KCNAB2: variants seen among roughly 807,000 people sequenced by gnomAD.
KCNAB2 encodes the protein voltage-gated potassium channel subunit beta-2.
Under a neutral mutation model 63.6 loss-of-function variants are expected in KCNAB2, and 29 were observed. That is an observed-to-expected ratio of 0.46 (90% CI 0.34 to 0.62). The LOEUF (loss-of-function observed/expected upper bound fraction) is 0.62. Ranked by LOEUF, KCNAB2 falls within the 20% of genes least tolerant of loss-of-function variation. KCNAB2 has a pLI of 0.01. For missense variants in KCNAB2, 359 were observed against 563.9 expected (o/e 0.64, Z 3.68); for synonymous variants, 222 against 224.2 (o/e 0.99, Z 0.09).
At chr1:6,037,311 G>T (rs956680491) in intron 1 of KCNAB2, among the ~76,000 whole-genome samples, 3 of 152,242 alleles carry the variant, frequency 2.0e-5, no homozygotes, top group Admixed American at 6.5e-5. Flanking sequence ...TGGGCTACAT[G>T]CCCTGTTAAA....
In KCNAB2 at chr1:6,100,107, A is replaced by G; in HGVS notation, c.*1533A>G. The G allele has an allele frequency of 6.9e-7, 1 of 1,442,644 alleles. No individual in the cohort carries two copies. The highest frequency in any genetic ancestry group is 9.1e-7 in the Non-Finnish European group (1 of 1,095,290). The allele number at this position is 1,442,644 out of a possible 1,614,324, so 89.4% of individuals were successfully genotyped here. On this transcript the variant is annotated 3_prime_UTR_variant, in exon 16 of 16. Transcript: ENST00000378083. ...CCGCTTTGCCCCTGGAGGAGCCACT[A>G]TTCCAGAAGGCTCCACCCTGCCGTC...
chr1:6,072,741 C>T lies in KCNAB2; in HGVS notation c.219-14C>T, dbSNP rs764302922. On this transcript the variant is annotated splice_polypyrimidine_tract_variant and intron_variant, in intron 2 of 15. Transcript: ENST00000378083. Reference sequence around the variant, plus strand: ...GCCTGGGTGCTGAGAACTCACGTGGCGTTTGTTTTTCAGGAACCTGGGCAA... The same window carrying T: ...GCCTGGGTGCTGAGAACTCACGTGGTGTTTGTTTTTCAGGAACCTGGGCAA... The T allele has an allele frequency of 7.4e-6, 12 of 1,613,542 alleles. No homozygotes were observed. The South Asian group carries it at 8.8e-5, about 12-fold the overall frequency.
At chr1:6,077,904 T>C (rs961032737) in intron 4 of KCNAB2, among the ~76,000 whole-genome samples, 1 of 152,236 alleles carries the variant, frequency 6.6e-6, no homozygotes, top group Non-Finnish European at 1.5e-5. Flanking sequence ...GCGAGCTGCC[T>C]GTGGCTGCTG....
chr1:6,034,390 AG>A (rs58801392), exon 1 of KCNAB2: 37,419 of 152,578 alleles, frequency 0.25, 4,868 homozygotes, highest in Non-Finnish European at 0.29. Context: ...AATGAAACAG[AG>A]GCTGTGTTGA....
chr1:6,098,354 T>C lies in KCNAB2; in HGVS notation c.1159-131T>C, dbSNP rs537063530. ...CAGCGTGGCCTCCATCTGCCTCAGA[T>C]GGAGCCCAGATGTGATGGGGCAACC... On this transcript the variant is annotated intron_variant, in intron 15 of 15. Coordinates refer to ENST00000378083, the MANE Select transcript of KCNAB2 (RefSeq NM_001199862.2). The C allele has an allele frequency of 7.3e-5, 108 of 1,472,680 alleles. 1 individual carries two copies. In the South Asian group the frequency reaches 1.4e-3, roughly 20 times the overall value. 91.2% of individuals were successfully genotyped at this position (1,472,680 alleles called of 1,614,324 possible). A position where few individuals can be genotyped will look rare whatever the true frequency, so the allele number is the denominator to read the frequency against.
At position 6,070,867 on chromosome 1, in the gene KCNAB2, C is replaced by T. The variant is rs149329622; in HGVS notation, c.219-1888C>T. 3.4e-3 allele frequency among the ~76,000 whole-genome samples: 523 copies of T among 152,314 alleles called. 7 individuals carry two copies. The highest frequency in any genetic ancestry group is 0.012 in the African/African-American group (490 of 41,558). On this transcript the variant is annotated intron_variant, in intron 2 of 15. Transcript: ENST00000378083. ...AGAGCCTCAGCCCATAGCCGCCACC[C>T]GGTGCGCCCCTTTCCTGAAAGAAAA...
chr1:6,091,975 G>A (rs1406604074), intron 10 of KCNAB2, among the ~76,000 whole-genome samples: 2 of 152,158 alleles, frequency 1.3e-5, no homozygotes, highest in Non-Finnish European at 2.9e-5. Context: ...CAGTCTCTCT[G>A]CCCTCCCCAC....
At chr1:6,029,798 C>T (rs1427519410), upstream of KCNAB2, among the ~76,000 whole-genome samples, 1 of 152,240 alleles carries the variant, frequency 6.6e-6, no homozygotes, top group Non-Finnish European at 1.5e-5. Flanking sequence ...GCCTAACCTC[C>T]TTCCCAGGAA....
intron 15 of KCNAB2, chr1:6,098,239 G>A (rs975610094): frequency 4.7e-6 from 6 of 1,268,698 alleles, no homozygotes; most frequent in African/African-American, 1.5e-5. Context: ...CCACCCTTCA[G>A]GAAGGTTCTA....
At chr1:6,092,983 G>T (rs1665312831) in intron 10 of KCNAB2, among the ~76,000 whole-genome samples, 1 of 152,222 alleles carries the variant, frequency 6.6e-6, no homozygotes, top group Admixed American at 6.5e-5. Context: ...TCTGCTCAGG[G>T]TGGACCTCAG....
intron 5 of KCNAB2, 138 bp from the exon 6 acceptor site, chr1:6,085,066 C>A: frequency 1.2e-6 from 1 of 841,228 alleles, no homozygotes; most frequent in Admixed American, 1.8e-5. Context: ...GCTACTGAGC[C>A]AAGGCGGGTG....
At chr1:6,091,196 C>T (rs1023313714) in intron 9 of KCNAB2, 67 bp from the exon 10 acceptor site, 19 of 1,200,668 alleles carry the variant, frequency 1.6e-5, no homozygotes, top group African/African-American at 3.0e-5. Flanking sequence ...GTGCCTTCGT[C>T]GTGCCACGCC....
rs760774803 is a variant in KCNAB2, at chr1:6,082,218, G to T, written c.324G>T (p.Leu108Phe). 1.2e-6 allele frequency: 2 copies of T among 1,613,720 alleles called. No individual in the cohort carries two copies. The highest frequency in any genetic ancestry group is 2.7e-5 in the African/African-American group (2 of 74,914). Residue 108 changes from leucine (L) to phenylalanine (F), a missense_variant, in exon 5 of 16, where the codon TTG becomes TTT. Physicochemically the swap from Leu to Phe is conservative, Grantham distance 22. This residue lies in a region of KCNAB2 where 271 missense variants were observed against 476.1 expected (regional missense o/e 0.57). Coordinates refer to ENST00000378083, the MANE Select transcript of KCNAB2 (RefSeq NM_001199862.2). Reference protein sequence around the residue: ...TDEMAEQLMTLAYDNGINLFD... With the variant: ...TDEMAEQLMTFAYDNGINLFD... ...AGATGGCAGAGCAGCTCATGACCTT[G>T]GCCTATGATAATGGCATCAACCTCT...
Position 6,072,806 on chromosome 1 carries a change from T to C in KCNAB2, c.262+8T>C. 1 of 1,613,466 alleles carries C rather than the reference T, an allele frequency of 6.2e-7. No homozygotes were observed. Among genetic ancestry groups the C allele is most frequent in the South Asian group, 1.1e-5 (1 of 91,042 alleles). The stretch of plus-strand genomic sequence containing the variant: ...TCTCCTGCCTGGGACTTGGTGAGTG[T>C]GGGGGTCCCCTCCGTCCCACCAGGG... On this transcript the variant is annotated splice_region_variant and intron_variant, in intron 3 of 15. Coordinates refer to ENST00000378083, the MANE Select transcript of KCNAB2 (RefSeq NM_001199862.2).
Position 6,073,832 on chromosome 1 carries a change from A to G in KCNAB2, c.300+62A>G, listed in dbSNP as rs1170506580. ...ACGGGCTCGCCAGAGCACATGGTTA[A>G]GTCTGCCGCGTGGACCAGTGAGCAC... On this transcript the variant is annotated intron_variant, in intron 4 of 15. Transcript: ENST00000378083. This position sits in a 1 kb window ranked among gnomAD's most constrained non-coding sequence, Gnocchi z 5.7. 1.3e-6 allele frequency: 2 copies of G among 1,547,208 alleles called. No individual in the cohort carries two copies. Among genetic ancestry groups the G allele is most frequent in the African/African-American group, 2.7e-5 (2 of 73,486 alleles).
intron 5 of KCNAB2, among the ~76,000 whole-genome samples, chr1:6,082,898 G>A (rs529741372): frequency 1.8e-4 from 27 of 152,280 alleles, no homozygotes; most frequent in African/African-American, 4.8e-4. Context: ...CCAAGTTCCC[G>A]TCAGCCGGGC....
At chr1:6,077,558 C>A (rs1663770820) in intron 4 of KCNAB2, among the ~76,000 whole-genome samples, 1 of 152,126 alleles carries the variant, frequency 6.6e-6, no homozygotes, top group African/African-American at 2.4e-5. Context: ...TGTCTGCACG[C>A]CTTCGGGGGT....
chr1:6,097,545 G>A (rs893425241), intron 15 of KCNAB2, 188 bp downstream of exon 15: 31 of 1,001,148 alleles, frequency 3.1e-5, no homozygotes, highest in Non-Finnish European at 4.3e-5. Context: ...CTAACTGCAC[G>A]AAACAAGGAG....
At position 6,096,909 on chromosome 1, in the gene KCNAB2, C is replaced by T. The variant is rs1470403948; in HGVS notation, c.1069+153C>T. Among the ~76,000 whole-genome samples the T allele has an allele frequency of 1.3e-5, 2 of 152,160 alleles. No individual in the cohort carries two copies. The highest frequency in any genetic ancestry group is 2.4e-5 in the African/African-American group (1 of 41,428). ...CATCCCCCAGCCAGCCTCGGGTAAT[C>T]GGGCTCTAAGGGGCATGGTTGGGAC... On this transcript the variant is annotated intron_variant, in intron 14 of 15. Coordinates refer to ENST00000378083, the MANE Select transcript of KCNAB2 (RefSeq NM_001199862.2). This position sits in a 1 kb window ranked among gnomAD's most constrained non-coding sequence, Gnocchi z 5.9.
Sources: allele counts gnomAD v4.1 joint callset (sites outside exome capture counted in the v4.1 genomes callset), GRCh38; gene constraint gnomAD v4.1.1; regional missense constraint gnomAD v4.1.1; non-coding constraint Gnocchi (gnomAD v3.1); transcripts MANE v1.5; gene names NCBI Gene and HGNC (gene_info 2026-07-23, HGNC 2026-07-21).